DIAPH2: variants seen among roughly 807,000 people sequenced by gnomAD.
The protein encoded by DIAPH2 is diaphanous related formin 2.
A neutral mutation model predicts 92.7 loss-of-function variants in DIAPH2; 35 were observed. The observed-to-expected ratio is 0.38, with a 90% confidence interval of 0.29 to 0.50. The LOEUF (loss-of-function observed/expected upper bound fraction) is 0.50. Among genes scored for constraint, DIAPH2 ranks in the 20% least tolerant of loss-of-function variants. The pLI is 0.94. For synonymous variants in DIAPH2, 301 were observed against 280.4 expected, an observed-to-expected ratio of 1.07 and a Z score of -0.73; for missense variants, 701 against 819.5, an observed-to-expected ratio of 0.86 and a Z score of 1.77.
intron 17 of DIAPH2, among the ~76,000 whole-genome samples, chrX:96,989,468 C>G (rs975379822): frequency 8.9e-6 from 1 of 111,799 alleles, no homozygotes; most frequent in Admixed American, 9.5e-5. Flanking sequence ...GTTGTCTGAG[C>G]TTTGCAACTT....
chrX:97,097,363 C>A (rs1259614293), intron 19 of DIAPH2, among the ~76,000 whole-genome samples: 2 of 111,852 alleles, frequency 1.8e-5, no homozygotes, highest in Non-Finnish European at 3.8e-5. Flanking sequence ...GTACAACTTA[C>A]TAAACAGTGG....
Position 96,735,741 on chromosome X carries a change from C to G in DIAPH2, c.133-17C>G. ...TCTGATGGGTTTTTTTTGTTTGTTT[C>G]TTTTTGGTTTTAATAGAACATTCAA... On this transcript the variant is annotated splice_polypyrimidine_tract_variant and intron_variant, in intron 1 of 26. Transcript: ENST00000324765. The G allele has an allele frequency of 2.9e-6, 3 of 1,025,550 alleles. No individual in the cohort carries two copies. The highest frequency in any genetic ancestry group is 4.0e-6 in the Non-Finnish European group (3 of 753,496). 84.5% of individuals were successfully genotyped at this position (1,025,550 alleles called of 1,213,427 possible).
At chrX:97,476,984 T>TATACAC (rs1280074551) in intron 26 of DIAPH2, among the ~76,000 whole-genome samples, 28 of 57,068 alleles carry the variant, frequency 4.9e-4, no homozygotes, top group African/African-American at 2.1e-3. Flanking sequence ...TATATATATA[T>TATACAC]ACACACACAC....
chrX:97,355,623 G>T (rs73550375), intron 24 of DIAPH2, among the ~76,000 whole-genome samples: 1 of 111,204 alleles, frequency 9.0e-6, no homozygotes, highest in East Asian at 2.8e-4. Flanking sequence ...CTGCAAGACC[G>T]TGATGTGCTT....
At chrX:97,571,000 A>C (rs1260141755) in intron 26 of DIAPH2, among the ~76,000 whole-genome samples, 1 of 111,836 alleles carries the variant, frequency 8.9e-6, no homozygotes, top group African/African-American at 3.2e-5. Context: ...ACATTTTATA[A>C]AAATATACAT....
At chrX:97,290,253 A>G (rs1010852430) in intron 23 of DIAPH2, among the ~76,000 whole-genome samples, 1 of 111,301 alleles carries the variant, frequency 9.0e-6, no homozygotes, top group Non-Finnish European at 1.9e-5. Context: ...ATTGTAATGC[A>G]AAGAGAAACA....
chrX:97,115,405 G>A (rs1459735902), intron 21 of DIAPH2, among the ~76,000 whole-genome samples: 1 of 110,160 alleles, frequency 9.1e-6, no homozygotes, highest in Non-Finnish European at 1.9e-5. Flanking sequence ...GCGCGGTGAC[G>A]GGTACCTGTA....
intron 23 of DIAPH2, among the ~76,000 whole-genome samples, chrX:97,276,032 C>T (rs1284749325): frequency 8.9e-6 from 1 of 112,831 alleles, no homozygotes; most frequent in Non-Finnish European, 1.9e-5. Context: ...CCCGGCACCT[C>T]GGGAGGCCGA....
At chrX:96,760,022 A>G (rs2064258092) in intron 4 of DIAPH2, among the ~76,000 whole-genome samples, 2 of 111,720 alleles carry the variant, frequency 1.8e-5, no homozygotes, top group African/African-American at 6.5e-5. Context: ...TGTTTAAGGC[A>G]TTAGCCTCAA....
In DIAPH2 at chrX:97,333,001, C is replaced by A. The variant is rs185980740; in HGVS notation, c.2845-15115C>A. Among the ~76,000 whole-genome samples the A allele has an allele frequency of 2.7e-5, 3 of 112,065 alleles. No homozygotes were observed. The East Asian group carries it at 8.4e-4, about 31-fold the overall frequency. ...TCATTGATATTTGTAGTAAAATCATCCTTTATAATCATTGAAACTGTTAGC... is the reference window on the plus strand; with the variant it reads ...TCATTGATATTTGTAGTAAAATCATACTTTATAATCATTGAAACTGTTAGC... On this transcript the variant is annotated intron_variant, in intron 23 of 26. Coordinates refer to ENST00000324765, the MANE Select transcript of DIAPH2 (RefSeq NM_006729.5).
rs34962864 is a variant in DIAPH2 at position 97,043,510 on chromosome X, AT to A, written c.2051-29427del. Among the ~76,000 whole-genome samples, 192 of 110,527 alleles carry A rather than the reference AT, an allele frequency of 1.7e-3. 7 individuals are homozygous for A. In the East Asian group the frequency reaches 0.047, roughly 27 times the overall value. On this transcript the variant is annotated intron_variant, in intron 17 of 26. Coordinates refer to ENST00000324765, the MANE Select transcript of DIAPH2 (RefSeq NM_006729.5). ...AGTCAGTTGTCCAAAATAGCACTGT[AT>A]TTTCTAATATAAAAAGAGTAATGAT...
chrX:97,278,716 T>C (rs1352036737), intron 23 of DIAPH2, among the ~76,000 whole-genome samples: 1 of 112,437 alleles, frequency 8.9e-6, no homozygotes, highest in Non-Finnish European at 1.9e-5. Flanking sequence ...CATGTATTTT[T>C]GAAAATAGCT....
At chrX:97,218,814 T>A (rs1295590547) in intron 22 of DIAPH2, among the ~76,000 whole-genome samples, 2 of 111,948 alleles carry the variant, frequency 1.8e-5, no homozygotes, top group African/African-American at 6.5e-5. Flanking sequence ...ATGTAAATAG[T>A]TGTTATATTG....
At chrX:96,742,859 G>A (rs2064128432) in intron 3 of DIAPH2, among the ~76,000 whole-genome samples, 1 of 110,981 alleles carries the variant, frequency 9.0e-6, no homozygotes, top group Admixed American at 9.6e-5. Context: ...TAGAGACGGG[G>A]TTTCACCGTG....
chrX:96,848,267 C>T (rs963928024), intron 4 of DIAPH2, among the ~76,000 whole-genome samples: 1 of 111,137 alleles, frequency 9.0e-6, no homozygotes, highest in African/African-American at 3.3e-5. Flanking sequence ...TCTTGAACTC[C>T]TGGCTTCAAG....
intron 4 of DIAPH2, among the ~76,000 whole-genome samples, chrX:96,810,123 C>T (rs2064664613): frequency 1.8e-5 from 2 of 112,306 alleles, no homozygotes; most frequent in South Asian, 7.4e-4. Flanking sequence ...AACTAGTTTA[C>T]ACTCCCATCA....
At chrX:96,865,547 TG>T (rs1276707063) in intron 4 of DIAPH2, among the ~76,000 whole-genome samples, 6 of 111,790 alleles carry the variant, frequency 5.4e-5, no homozygotes, top group Admixed American at 2.8e-4. Context: ...GTTAGTAATT[TG>T]GGGCAGGGGA....
At position 97,319,259 on chromosome X, in the gene DIAPH2, C is replaced by G. The variant is rs1343832618; in HGVS notation, c.2845-28857C>G. ...AGTTTCAAATCTTTGTTCTTTGTCT[C>G]TTCCATGGCAATATAGAAGTTATAA... On this transcript the variant is annotated intron_variant, in intron 23 of 26. Transcript: ENST00000324765. Among the ~76,000 whole-genome samples, 3 of 112,418 alleles carry G rather than the reference C, an allele frequency of 2.7e-5. No homozygotes were observed. In the East Asian group the frequency reaches 8.3e-4, roughly 31 times the overall value.
chrX:96,877,699 T>A (rs1313697657), intron 4 of DIAPH2, among the ~76,000 whole-genome samples: 9 of 112,307 alleles, frequency 8.0e-5, no homozygotes, highest in African/African-American at 2.9e-4. Flanking sequence ...AAGTGTTCTT[T>A]CTTAGAATAT....
Sources: allele counts gnomAD v4.1 joint callset (sites outside exome capture counted in the v4.1 genomes callset), GRCh38; gene constraint gnomAD v4.1.1; transcripts MANE v1.5; gene names NCBI Gene and HGNC (gene_info 2026-07-23, HGNC 2026-07-21).